The following ZNF469 variants were observed in gnomAD, a reference collection of about 807,000 sequenced individuals.
ZNF469 encodes zinc finger protein 469.
Under a neutral mutation model 1.0 loss-of-function variants are expected in ZNF469, and 1 was observed. That is an observed-to-expected ratio of 1.00 (90% CI 0.35 to 4.73). The LOEUF (loss-of-function observed/expected upper bound fraction) is 4.73, where lower values mean the gene tolerates loss of function less well. ZNF469 is among the 30% of genes most tolerant of loss of function. ZNF469 has a pLI of 0.16. For missense variants in ZNF469, 6,100 were observed against 5,356.3 expected (o/e 1.14, Z -4.33); for synonymous variants, 2,703 against 2,363.4 (o/e 1.14, Z -4.17).
chr16:88,411,502 GT>G (rs1905165464), intron 1 of ZNF469, among the ~76,000 whole-genome samples: 1 of 148,742 alleles, frequency 6.7e-6, no homozygotes, highest in African/African-American at 2.5e-5. Context: ...GCGGGCAGGG[GT>G]GCAAGCAGGC....
At chr16:88,384,692 C>T (rs1046358682) in intron 1 of ZNF469, among the ~76,000 whole-genome samples, 2 of 152,214 alleles carry the variant, frequency 1.3e-5, no homozygotes, top group Admixed American at 1.3e-4. Flanking sequence ...AGAGTCTCAG[C>T]TTGGGAGGCA....
chr16:88,109,862 C>G, the ZNF469 span, among the ~76,000 whole-genome samples: 3 of 152,240 alleles, frequency 2.0e-5, no homozygotes, highest in East Asian at 5.8e-4. Context: ...TCCCTGGGAT[C>G]AGGGGCTTTG....
chr16:88,185,926 T>C, the ZNF469 span, among the ~76,000 whole-genome samples: 1 of 151,594 alleles, frequency 6.6e-6, no homozygotes, highest in Non-Finnish European at 1.5e-5. Flanking sequence ...ATTCACACTC[T>C]CACACATGTG....
At chr16:88,184,866 GCA>G in the ZNF469 span, among the ~76,000 whole-genome samples, 1 of 152,232 alleles carries the variant, frequency 6.6e-6, no homozygotes, top group African/African-American at 2.4e-5. Context: ...ACACGTGCGT[GCA>G]CAGACACGGA....
the ZNF469 span, among the ~76,000 whole-genome samples, chr16:88,242,314 C>A: frequency 4.6e-5 from 7 of 152,224 alleles, no homozygotes; most frequent in Non-Finnish European, 1.0e-4. Flanking sequence ...ATTCAAAATT[C>A]TTCAACAATG....
chr16:88,380,445 A>ACG (rs2092518657), upstream of ZNF469, among the ~76,000 whole-genome samples: 2 of 140,106 alleles, frequency 1.4e-5, no homozygotes, highest in Non-Finnish European at 3.0e-5. Flanking sequence ...ATACACAGTC[A>ACG]CACACAGACA....
the ZNF469 span, among the ~76,000 whole-genome samples, chr16:88,150,320 C>CAA: frequency 6.6e-6 from 1 of 152,108 alleles, no homozygotes; most frequent in African/African-American, 2.4e-5. Context: ...AAAACACAAA[C>CAA]AAAAAAACCA....
Position 88,427,476 on chromosome 16 carries a change from T to G in ZNF469, c.6T>G (p.Pro2=). The G allele has an allele frequency of 6.6e-7, 1 of 1,514,478 alleles. No individual in the cohort carries two copies. Among genetic ancestry groups the G allele is most frequent in the African/African-American group, 1.4e-5 (1 of 72,614 alleles). The allele number at this position is 1,514,478 out of a possible 1,614,324, so 93.8% of individuals were successfully genotyped here. A position where few individuals can be genotyped will look rare whatever the true frequency, so the allele number is the denominator to read the frequency against. Reference sequence around the variant, plus strand: ...AGCGCCAGGACGGAGGGGCCATGCCTGGGGAGCGCCCCCGAGGAGCGCCGC... The same window carrying G: ...AGCGCCAGGACGGAGGGGCCATGCCGGGGGAGCGCCCCCGAGGAGCGCCGC... The part of the protein sequence containing the change: M[P]GERPRGAPPP... The change falls in exon 3 of 3, where the codon CCT becomes CCG. Residue 2 remains proline, a synonymous_variant. Transcript: ENST00000565624.
At chr16:88,161,829 C>T in the ZNF469 span, among the ~76,000 whole-genome samples, 18 of 152,150 alleles carry the variant, frequency 1.2e-4, no homozygotes, top group Non-Finnish European at 2.2e-4. Flanking sequence ...GTGGACTTGG[C>T]GTGCAGTGTT....
the ZNF469 span, among the ~76,000 whole-genome samples, chr16:88,150,488 G>A: frequency 1.3e-5 from 2 of 152,248 alleles, no homozygotes; most frequent in Non-Finnish European, 1.5e-5. Context: ...CTGCCTCCAC[G>A]TTCAGGTGGG....
At chr16:88,272,106 G>C in the ZNF469 span, among the ~76,000 whole-genome samples, 1 of 151,484 alleles carries the variant, frequency 6.6e-6, no homozygotes, top group African/African-American at 2.4e-5. Flanking sequence ...TAGATGAGTG[G>C]GTAGATGGAT....
chr16:88,227,316 A>T, the ZNF469 span, among the ~76,000 whole-genome samples: 10 of 152,016 alleles, frequency 6.6e-5, no homozygotes, highest in Admixed American at 1.3e-4. Flanking sequence ...GGGAAGGGGG[A>T]GGAAGGAGGA....
the ZNF469 span, among the ~76,000 whole-genome samples, chr16:88,248,994 G>A: frequency 6.6e-6 from 1 of 152,154 alleles, no homozygotes; most frequent in African/African-American, 2.4e-5. Flanking sequence ...CTCTGTGACT[G>A]TGTGTCCGTG....
At chr16:88,125,891 CT>C in the ZNF469 span, among the ~76,000 whole-genome samples, 1 of 152,124 alleles carries the variant, frequency 6.6e-6, no homozygotes, top group Non-Finnish European at 1.5e-5. Flanking sequence ...GTTCTAGTAA[CT>C]TTTTAAAAAG....
At chr16:88,324,647 A>G in the ZNF469 span, among the ~76,000 whole-genome samples, 1 of 152,256 alleles carries the variant, frequency 6.6e-6, no homozygotes, top group Non-Finnish European at 1.5e-5. Flanking sequence ...GGGTGAGTGC[A>G]TAAGGGACTG....
the ZNF469 span, among the ~76,000 whole-genome samples, chr16:88,229,579 T>TGATGCCACGCGTGTG: frequency 3.8e-4 from 23 of 59,796 alleles, no homozygotes; most frequent in East Asian, 4.3e-4. Flanking sequence ...GCTTGTGCGC[T>TGATGCCACGCGTGTG]GATGTCACGC....
In ZNF469 at chr16:88,431,669, C is replaced by G; in HGVS notation, c.4199C>G (p.Pro1400Arg). The G allele has an allele frequency of 6.4e-7, 1 of 1,550,462 alleles. No homozygotes were observed. Among genetic ancestry groups the G allele is most frequent in the South Asian group, 1.2e-5 (1 of 84,064 alleles). Residue 1400 changes from proline to arginine, a missense_variant, in exon 3 of 3, where the codon CCC (proline) becomes CGC (arginine). Pro to Arg is a moderately radical substitution (Grantham distance 103, BLOSUM62 -2). Transcript: ENST00000565624. Reference sequence around the variant, plus strand: ...GGCTGTTTCCTGGAAGAACTGCACCCCAAGCCCTCAGCCAGGGATGCCCCG... The same window carrying G: ...GGCTGTTTCCTGGAAGAACTGCACCGCAAGCCCTCAGCCAGGGATGCCCCG... ...LAGCFLEELHPKPSARDAPPA... is the reference protein window; with the variant it reads ...LAGCFLEELHRKPSARDAPPA...
At chr16:88,370,338 G>A in the ZNF469 span, among the ~76,000 whole-genome samples, 7 of 152,316 alleles carry the variant, frequency 4.6e-5, no homozygotes, top group South Asian at 4.1e-4. Context: ...CATGAAGAGC[G>A]TGGGGCGGGC....
At chr16:88,278,981 C>G in the ZNF469 span, among the ~76,000 whole-genome samples, 4 of 151,754 alleles carry the variant, frequency 2.6e-5, 1 homozygote, top group Non-Finnish European at 5.9e-5. Flanking sequence ...TAGTGGTGTG[C>G]CACGCTGACA....
Sources: allele counts gnomAD v4.1 joint callset (sites outside exome capture counted in the v4.1 genomes callset), GRCh38; gene constraint gnomAD v4.1.1; transcripts MANE v1.5; gene names NCBI Gene and HGNC (gene_info 2026-07-23, HGNC 2026-07-21).